The following COL28A1 variants were observed in gnomAD, a reference collection of about 807,000 sequenced individuals.
COL28A1 encodes the protein collagen type XXVIII alpha 1 chain.
A neutral mutation model predicts 150.2 loss-of-function variants in COL28A1; 161 were observed. That is an observed-to-expected ratio of 1.07 (90% CI 0.94 to 1.22). The LOEUF (loss-of-function observed/expected upper bound fraction) is 1.22. Among genes scored for constraint, COL28A1 ranks in the 50% most tolerant of loss-of-function variants. The pLI, the probability that COL28A1 is intolerant of heterozygous loss-of-function variation, is 0.00. For missense variants in COL28A1, 1,617 were observed against 1,388.3 expected, an observed-to-expected ratio of 1.16 and a Z score of -2.62; for synonymous variants, 552 against 469.7, an observed-to-expected ratio of 1.18 and a Z score of -2.26.
At chr7:7,375,393 T>C (rs1192124257) in intron 31 of COL28A1, 68 bp downstream of exon 31, 2 of 1,391,858 alleles carry the variant, frequency 1.4e-6, no homozygotes, top group Non-Finnish European at 1.9e-6. Flanking sequence ...GAACACATTC[T>C]GTCACCAGCA....
intron 25 of COL28A1, among the ~76,000 whole-genome samples, chr7:7,422,762 C>G (rs920636347): frequency 1.3e-5 from 2 of 152,158 alleles, no homozygotes; most frequent in Non-Finnish European, 2.9e-5. Flanking sequence ...AAACACGTCT[C>G]TTGACCTACC....
intron 27 of COL28A1, among the ~76,000 whole-genome samples, chr7:7,396,393 C>T (rs1221156959): frequency 6.6e-6 from 1 of 152,184 alleles, no homozygotes; most frequent in Non-Finnish European, 1.5e-5. Context: ...CTGGCAGTCC[C>T]TCCGAACAAA....
At chr7:7,533,151 A>C (rs1191296275) in intron 1 of COL28A1, among the ~76,000 whole-genome samples, 1 of 152,144 alleles carries the variant, frequency 6.6e-6, no homozygotes, top group Non-Finnish European at 1.5e-5. Flanking sequence ...ATATTTAAGT[A>C]TTCTTAATTC....
At chr7:7,539,685 C>T (rs1028479716), upstream of COL28A1, among the ~76,000 whole-genome samples, 6 of 152,136 alleles carry the variant, frequency 3.9e-5, no homozygotes, top group Admixed American at 2.6e-4. Flanking sequence ...TGTGGAACAG[C>T]GTGACTTCAG....
At position 7,373,488 on chromosome 7, in the gene COL28A1, T is replaced by C. The variant is rs777873318; in HGVS notation, c.2418A>G (p.Ser806=). 4.3e-6 allele frequency: 7 copies of C among 1,614,110 alleles called. No homozygotes were observed. The South Asian group carries it at 7.7e-5, about 18-fold the overall frequency. The part of the protein sequence containing the change: ...PLELVFVIDS[S]ESVGPENFQI... ...GAAAGTTCTCTGGCCCCACGCTTTC[T>C]GAGCTGTCGATCACAAACACCAGCT... Residue 806 remains serine (S), a synonymous_variant, in exon 32 of 35, where the codon TCA becomes TCG. Transcript: ENST00000399429. This position sits in a 1 kb window ranked among gnomAD's most constrained non-coding sequence, Gnocchi z 4.1.
intron 8 of COL28A1, among the ~76,000 whole-genome samples, chr7:7,512,286 T>C (rs1196608478): frequency 6.6e-6 from 1 of 152,164 alleles, no homozygotes; most frequent in African/African-American, 2.4e-5. Context: ...AAGAGATCTA[T>C]TGTTCAACAC....
intron 33 of COL28A1, among the ~76,000 whole-genome samples, chr7:7,361,280 C>CAAGA (rs3067749): frequency 0.78 from 117,921 of 151,746 alleles, 45,997 homozygotes; most frequent in East Asian, 0.88. Context: ...TATAACGAAA[C>CAAGA]AAGAAAGGCA....
rs745606960 is a variant in COL28A1 at position 7,521,892 on chromosome 7, G to C, written c.759+13C>G. 6 of 977,124 alleles carry C rather than the reference G, an allele frequency of 6.1e-6. No individual in the cohort carries two copies. Among genetic ancestry groups the C allele is most frequent in the East Asian group, 2.4e-5 (1 of 42,128 alleles). The allele number at this position is 977,124 out of a possible 1,614,324, so 60.5% of individuals were successfully genotyped here. A position where few individuals can be genotyped will look rare whatever the true frequency, so the allele number is the denominator to read the frequency against. On this transcript the variant is annotated intron_variant, in intron 5 of 34. Transcript: ENST00000399429. ...GACTTTCTGACTTAAGTTCAAAGTG[G>C]AAGTATACTCACAGGAGGCCCTGGA...
intron 15 of COL28A1, among the ~76,000 whole-genome samples, chr7:7,466,163 C>T (rs370487298): frequency 2.2e-4 from 27 of 124,436 alleles, no homozygotes; most frequent in Admixed American, 2.6e-4. Flanking sequence ...CTCTGAGCTA[C>T]GGGAGGACAT....
At chr7:7,372,058 C>G (rs960425795) in intron 32 of COL28A1, among the ~76,000 whole-genome samples, 1 of 152,000 alleles carries the variant, frequency 6.6e-6, no homozygotes, top group African/African-American at 2.4e-5. Context: ...GTCTCTAACT[C>G]CTGACCTCGT....
At chr7:7,354,668 TCTAAAA>T (rs1215896306), downstream of COL28A1, among the ~76,000 whole-genome samples, 3 of 152,202 alleles carry the variant, frequency 2.0e-5, no homozygotes, top group African/African-American at 4.8e-5. Flanking sequence ...AATGTGAAAC[TCTAAAA>T]CTAAGAATGC....
chr7:7,407,660 G>A (rs1783560808), intron 27 of COL28A1, among the ~76,000 whole-genome samples: 1 of 151,986 alleles, frequency 6.6e-6, no homozygotes, highest in Non-Finnish European at 1.5e-5. Flanking sequence ...AATTGCTCTA[G>A]TAGACTTTTA....
chr7:7,522,352 C>T (rs930083006), intron 4 of COL28A1, among the ~76,000 whole-genome samples: 1 of 152,080 alleles, frequency 6.6e-6, no homozygotes, highest in African/African-American at 2.4e-5. Flanking sequence ...CTATATAACA[C>T]ATCAAAGCTC....
intron 15 of COL28A1, among the ~76,000 whole-genome samples, chr7:7,460,544 C>T (rs1170411570): frequency 4.6e-5 from 7 of 152,016 alleles, no homozygotes; most frequent in East Asian, 3.9e-4. Context: ...CCACCACGCC[C>T]GGCTAATTTT....
intron 31 of COL28A1, among the ~76,000 whole-genome samples, chr7:7,375,018 G>C (rs1781467578): frequency 6.6e-6 from 1 of 152,176 alleles, no homozygotes; most frequent in African/African-American, 2.4e-5. Context: ...CTTTGGGACT[G>C]AGTACAACTC....
intron 27 of COL28A1, among the ~76,000 whole-genome samples, chr7:7,397,959 C>G (rs1396175751): frequency 6.6e-6 from 1 of 152,144 alleles, no homozygotes; most frequent in African/African-American, 2.4e-5. Context: ...TTTGCATTTG[C>G]CTCAGAGTGT....
At chr7:7,514,393 C>G (rs867695445) in intron 8 of COL28A1, among the ~76,000 whole-genome samples, 1 of 152,170 alleles carries the variant, frequency 6.6e-6, no homozygotes, top group Admixed American at 6.5e-5. Flanking sequence ...AATTGTATTC[C>G]ATCCAGTTGA....
At chr7:7,493,139 T>C (rs1281750022) in intron 11 of COL28A1, among the ~76,000 whole-genome samples, 1 of 150,922 alleles carries the variant, frequency 6.6e-6, no homozygotes, top group African/African-American at 2.4e-5. Context: ...AATACAATAA[T>C]AACAATACAA....
intron 30 of COL28A1, among the ~76,000 whole-genome samples, chr7:7,378,146 G>A (rs952921378): frequency 2.0e-5 from 3 of 152,098 alleles, no homozygotes; most frequent in South Asian, 2.1e-4. Context: ...CCGGGCAGGA[G>A]GCAGATTTAA....
Sources: allele counts gnomAD v4.1 joint callset (sites outside exome capture counted in the v4.1 genomes callset), GRCh38; gene constraint gnomAD v4.1.1; non-coding constraint Gnocchi (gnomAD v3.1); transcripts MANE v1.5; gene names NCBI Gene and HGNC (gene_info 2026-07-23, HGNC 2026-07-21).